Variants in CACNG2 observed in about 807,000 individuals in gnomAD.
The protein encoded by CACNG2 is voltage-dependent calcium channel gamma-2 subunit.
CACNG2 carries 3 observed loss-of-function variants against 25.9 expected under a neutral mutation model. The observed-to-expected ratio is 0.12, with a 90% CI of 0.05 to 0.30. CACNG2 has a LOEUF of 0.30. CACNG2 is among the 10% of genes least tolerant of loss of function. The pLI is 1.00. For synonymous variants in CACNG2, 167 were observed against 173.3 expected (o/e 0.96, Z 0.29); for missense variants, 341 against 432.5 (o/e 0.79, Z 1.88).
intron 1 of CACNG2, among the ~76,000 whole-genome samples, chr22:36,693,722 G>T (rs1270699645): frequency 6.6e-6 from 1 of 152,120 alleles, no homozygotes; most frequent in Non-Finnish European, 1.5e-5. Flanking sequence ...ATGGGCATCT[G>T]TTTCTGCACA....
At position 36,651,224 on chromosome 22, in the gene CACNG2, CTTTTTTTTTT is replaced by C. The variant is rs11411019; in HGVS notation, c.211+51132_211+51141del. Reference sequence around the variant, plus strand: ...AATTCTTAATAATTTCTTCTTCCTCCTTTTTTTTTTTTTTTTTTTTTTTTGACAGAGTCTT... The same window carrying C: ...AATTCTTAATAATTTCTTCTTCCTCCTTTTTTTTTTTTTTGACAGAGTCTT... On this transcript the variant is annotated intron_variant, in intron 1 of 3. Transcript: ENST00000300105. 4.9e-4 allele frequency among the ~76,000 whole-genome samples: 41 copies of C among 83,138 alleles called. No individual in the cohort carries two copies. In the South Asian group the frequency reaches 0.02, roughly 41 times the overall value. 54.5% of individuals were successfully genotyped at this position (83,138 alleles called of 152,430 possible).
At chr22:36,605,588 G>T (rs923713854) in intron 1 of CACNG2, among the ~76,000 whole-genome samples, 1 of 152,236 alleles carries the variant, frequency 6.6e-6, no homozygotes, top group Admixed American at 6.5e-5. Flanking sequence ...GAACCTGAGC[G>T]TTGGCTCCTC....
chr22:36,614,407 C>T (rs1234886479), intron 1 of CACNG2, among the ~76,000 whole-genome samples: 1 of 152,206 alleles, frequency 6.6e-6, no homozygotes, highest in Non-Finnish European at 1.5e-5. Context: ...CACCCCAAAT[C>T]CTGAGCCGGC....
intron 1 of CACNG2, among the ~76,000 whole-genome samples, chr22:36,689,850 C>A (rs1207269375): frequency 6.6e-6 from 1 of 152,230 alleles, no homozygotes; most frequent in East Asian, 1.9e-4. Context: ...AAATGTCAGC[C>A]TCTGAAAGGA....
At chr22:36,628,649 T>C (rs934969862) in intron 1 of CACNG2, among the ~76,000 whole-genome samples, 1 of 152,174 alleles carries the variant, frequency 6.6e-6, no homozygotes, top group African/African-American at 2.4e-5. Context: ...TGTCCTCAGC[T>C]TGGTGTGTGT....
chr22:36,658,751 C>T (rs1465703443), intron 1 of CACNG2, among the ~76,000 whole-genome samples: 2 of 152,188 alleles, frequency 1.3e-5, no homozygotes, highest in African/African-American at 4.8e-5. Flanking sequence ...AAGTAACAAA[C>T]CATAATGTAA....
chr22:36,570,971 C>T lies in CACNG2; in HGVS notation c.296-4478G>A, dbSNP rs1415333927. Among the ~76,000 whole-genome samples, 3 of 152,084 alleles carry T rather than the reference C, an allele frequency of 2.0e-5. No homozygotes were observed. The East Asian group carries it at 5.8e-4, about 29-fold the overall frequency. ...AATGGGGATTTTGGAGTTAGTCACA[C>T]TTGACTTTGAATCCTCGCTTTGTCA... On this transcript the variant is annotated intron_variant, in intron 2 of 3. Coordinates refer to ENST00000300105, the MANE Select transcript of CACNG2 (RefSeq NM_006078.5).
chr22:36,680,786 G>A (rs1314412456), intron 1 of CACNG2, among the ~76,000 whole-genome samples: 27 of 132,158 alleles, frequency 2.0e-4, no homozygotes, highest in African/African-American at 7.3e-4. Flanking sequence ...TATCACAACC[G>A]TTATTGTCAC....
chr22:36,667,326 ACTT>A (rs1443416171), intron 1 of CACNG2, among the ~76,000 whole-genome samples: 5 of 151,992 alleles, frequency 3.3e-5, no homozygotes, highest in African/African-American at 2.4e-5. Flanking sequence ...GGAACTCACC[ACTT>A]CTTCTTTTGC....
chr22:36,660,966 G>C (rs1298071991), intron 1 of CACNG2, among the ~76,000 whole-genome samples: 35 of 152,242 alleles, frequency 2.3e-4, no homozygotes, highest in Admixed American at 2.2e-3. Context: ...GCAGTACCCA[G>C]CACAGGGCTT....
intron 1 of CACNG2, among the ~76,000 whole-genome samples, chr22:36,688,016 C>T (rs1321849345): frequency 6.6e-6 from 1 of 152,066 alleles, no homozygotes; most frequent in Non-Finnish European, 1.5e-5. Context: ...GCACTAAGTT[C>T]GTGTAATTTA....
chr22:36,643,162 CTTCCTTCT>C (rs560993062), intron 1 of CACNG2, among the ~76,000 whole-genome samples: 74 of 144,084 alleles, frequency 5.1e-4, no homozygotes, highest in African/African-American at 1.3e-3. Flanking sequence ...TTTTTCCTTC[CTTCCTTCT>C]TTCCTTCTTT....
chr22:36,688,972 T>TGG (rs1231798594), intron 1 of CACNG2, among the ~76,000 whole-genome samples: 1 of 152,212 alleles, frequency 6.6e-6, no homozygotes, highest in Non-Finnish European at 1.5e-5. Context: ...GGGACAGTCT[T>TGG]GGGTGATTTC....
At chr22:36,615,403 T>C (rs1433342250) in intron 1 of CACNG2, among the ~76,000 whole-genome samples, 1 of 152,228 alleles carries the variant, frequency 6.6e-6, no homozygotes, top group African/African-American at 2.4e-5. Flanking sequence ...ACAATCTGAC[T>C]GCTCAGCCAC....
In CACNG2 at chr22:36,642,008, G is replaced by A. The variant is rs117593240; in HGVS notation, c.212-54460C>T. Among the ~76,000 whole-genome samples the A allele has an allele frequency of 1.2e-3, 190 of 152,270 alleles. 3 individuals are homozygous for A. The East Asian group carries it at 0.031, about 25-fold the overall frequency. On this transcript the variant is annotated intron_variant, in intron 1 of 3. Coordinates refer to ENST00000300105, the MANE Select transcript of CACNG2 (RefSeq NM_006078.5). The stretch of plus-strand genomic sequence containing the variant: ...CTCCTGAAGGGAATGAAAGACAAGC[G>A]CTCCCTGCCTGGTTGGAATTGCTGT...
At chr22:36,594,200 A>G (rs1935638472) in intron 1 of CACNG2, among the ~76,000 whole-genome samples, 1 of 152,184 alleles carries the variant, frequency 6.6e-6, no homozygotes, top group East Asian at 1.9e-4. Flanking sequence ...GGTAGAGACT[A>G]AGGGCCAAGT....
At chr22:36,691,305 G>A (rs1481705104) in intron 1 of CACNG2, among the ~76,000 whole-genome samples, 1 of 17,214 alleles carries the variant, frequency 5.8e-5, no homozygotes, top group African/African-American at 1.0e-4. Flanking sequence ...TTGGGCAGAA[G>A]GCAGGGGGAG....
At chr22:36,578,996 G>A (rs531814924) in intron 2 of CACNG2, among the ~76,000 whole-genome samples, 1 of 152,116 alleles carries the variant, frequency 6.6e-6, no homozygotes, top group Non-Finnish European at 1.5e-5. Flanking sequence ...CAGCAGCCTC[G>A]TCCTACATTC....
intron 1 of CACNG2, among the ~76,000 whole-genome samples, chr22:36,694,152 G>A (rs562222948): frequency 7.2e-5 from 11 of 152,264 alleles, no homozygotes; most frequent in South Asian, 2.1e-4. Context: ...CCCTGCCTAC[G>A]TTTCTCCCTG....
Sources: gnomAD v4.1 joint callset for allele counts (sites outside exome capture counted in the v4.1 genomes callset) on GRCh38, gnomAD v4.1.1 for gene constraint, MANE v1.5 for transcripts, NCBI Gene and HGNC (gene_info 2026-07-23, HGNC 2026-07-21) for gene names.